The following IQCM variants were observed in gnomAD, a reference collection of about 807,000 sequenced individuals.
The protein encoded by IQCM is IQ domain-containing protein M.
IQCM carries 45 observed loss-of-function variants against 57.6 expected under a neutral mutation model. The observed-to-expected ratio is 0.78, with a 90% CI of 0.62 to 1.00. IQCM has a LOEUF of 1.00. Ranked by LOEUF, IQCM falls within the 50% of genes least tolerant of loss-of-function variation. The pLI is 0.00. For synonymous variants in IQCM, 148 were observed against 158.9 expected (o/e 0.93, Z 0.51); for missense variants, 468 against 511.6 (o/e 0.91, Z 0.82).
In IQCM at chr4:149,396,519, T is replaced by C. The variant is rs1189575785; in HGVS notation, c.1390+36877A>G. ...GCTTAATATTGTATCCCAGTGATTT[T>C]TGCATATCAGTATAGAGTAGGTCAT... On this transcript the variant is annotated intron_variant, in intron 13 of 13. Coordinates refer to ENST00000636793, the MANE Select transcript of IQCM (RefSeq NM_001363507.2). Among the ~76,000 whole-genome samples the C allele has an allele frequency of 2.6e-5, 4 of 152,016 alleles. No individual in the cohort carries two copies. The East Asian group carries it at 7.7e-4, about 29-fold the overall frequency.
chr4:149,375,401 A>C (rs1299460464), intron 13 of IQCM, among the ~76,000 whole-genome samples: 1 of 152,172 alleles, frequency 6.6e-6, no homozygotes, highest in Admixed American at 6.6e-5. Flanking sequence ...AGTCCCAGAC[A>C]CCATGATCAA....
chr4:149,782,135 A>G (rs1321451976), intron 2 of IQCM, among the ~76,000 whole-genome samples: 1 of 152,178 alleles, frequency 6.6e-6, no homozygotes, highest in African/African-American at 2.4e-5. Flanking sequence ...AATAAGTTAT[A>G]AATTCAGTGG....
At chr4:149,427,322 GA>G (rs1246173460) in intron 13 of IQCM, among the ~76,000 whole-genome samples, 2 of 151,970 alleles carry the variant, frequency 1.3e-5, no homozygotes, top group Non-Finnish European at 2.9e-5. Flanking sequence ...AAATCATAAT[GA>G]AATATTAATC....
At chr4:149,408,765 A>G (rs771906349) in intron 13 of IQCM, among the ~76,000 whole-genome samples, 5 of 152,160 alleles carry the variant, frequency 3.3e-5, no homozygotes, top group African/African-American at 4.8e-5. Context: ...AGATAATACC[A>G]TAGCAGAGAA....
chr4:149,457,709 A>G (rs1737846812), intron 12 of IQCM, among the ~76,000 whole-genome samples: 1 of 152,084 alleles, frequency 6.6e-6, no homozygotes. Context: ...AAAGGGTACC[A>G]TGATGCCAAC....
intron 8 of IQCM, among the ~76,000 whole-genome samples, chr4:149,612,012 A>G (rs1378544826): frequency 6.6e-6 from 1 of 152,078 alleles, no homozygotes; most frequent in Non-Finnish European, 1.5e-5. Flanking sequence ...ACAGTTCTAC[A>G]TGGCTGGTGA....
chr4:149,381,274 T>C (rs1272946811), intron 13 of IQCM, among the ~76,000 whole-genome samples: 2 of 152,146 alleles, frequency 1.3e-5, no homozygotes, highest in Non-Finnish European at 2.9e-5. Context: ...AATAACCCTT[T>C]GTAGTCCCTG....
chr4:149,653,824 T>C (rs1006087936), intron 7 of IQCM, among the ~76,000 whole-genome samples: 2 of 152,174 alleles, frequency 1.3e-5, no homozygotes, highest in Non-Finnish European at 2.9e-5. Flanking sequence ...TCCTTGGTTA[T>C]AATCTTGATG....
intron 5 of IQCM, among the ~76,000 whole-genome samples, chr4:149,726,408 T>G (rs942859830): frequency 2.0e-5 from 3 of 152,192 alleles, no homozygotes; most frequent in African/African-American, 7.2e-5. Flanking sequence ...CCTTGCTCCT[T>G]TCTAATGCAT....
chr4:149,361,321 G>C (rs558544844), intron 13 of IQCM, among the ~76,000 whole-genome samples: 1 of 152,308 alleles, frequency 6.6e-6, no homozygotes, highest in African/African-American at 2.4e-5. Flanking sequence ...ATTTTCTGGG[G>C]AGAAATTCAA....
intron 13 of IQCM, among the ~76,000 whole-genome samples, chr4:149,420,644 A>T (rs1734060163): frequency 6.6e-6 from 1 of 152,082 alleles, no homozygotes; most frequent in African/African-American, 2.4e-5. Flanking sequence ...AACAAAAATT[A>T]AAATTAATTA....
At chr4:149,812,354 T>C (rs1370487973) in intron 2 of IQCM, among the ~76,000 whole-genome samples, 1 of 152,086 alleles carries the variant, frequency 6.6e-6, no homozygotes, top group Non-Finnish European at 1.5e-5. Flanking sequence ...ACCAGAAATA[T>C]ATGATATAGC....
At chr4:149,739,202 C>T (rs72726200) in intron 3 of IQCM, among the ~76,000 whole-genome samples, 60,950 of 151,918 alleles carry the variant, frequency 0.4, 14,528 homozygotes, top group Middle Eastern at 0.54. Context: ...TTTAAGAGCT[C>T]TTATTCCTGA....
chr4:149,633,331 T>A (rs1362988366), intron 7 of IQCM, among the ~76,000 whole-genome samples: 2 of 152,126 alleles, frequency 1.3e-5, no homozygotes, highest in Non-Finnish European at 2.9e-5. Context: ...AGTCCTTTCA[T>A]CAGAAAGAAA....
chr4:149,452,598 AATAATTGACAT>A (rs1737238475), intron 12 of IQCM, among the ~76,000 whole-genome samples: 1 of 151,656 alleles, frequency 6.6e-6, no homozygotes, highest in African/African-American at 2.4e-5. Context: ...TTTTTTGAGG[AATAATTGACAT>A]ATAAAAAGCT....
In IQCM at chr4:149,752,183, G is replaced by GA. The variant is rs61362904; in HGVS notation, c.-48-9445dup. Among the ~76,000 whole-genome samples, 913 of 145,896 alleles carry GA rather than the reference G, an allele frequency of 6.3e-3. 7 individuals are homozygous for GA. The highest frequency in any genetic ancestry group is 0.019 in the African/African-American group (773 of 40,036). On this transcript the variant is annotated intron_variant, in intron 2 of 13. Transcript: ENST00000636793. ...CATGTCTAGCATTTACATCTTTCTA[G>GA]AAAAAAAAAAATCCCTGGGAGGAAT...
chr4:149,391,192 A>C (rs1731829371), intron 13 of IQCM, among the ~76,000 whole-genome samples: 1 of 151,898 alleles, frequency 6.6e-6, no homozygotes, highest in Non-Finnish European at 1.5e-5. Context: ...AGGGCTATTC[A>C]GATTTTACAT....
chr4:149,794,322 A>T (rs570872891), intron 2 of IQCM, among the ~76,000 whole-genome samples: 5 of 152,346 alleles, frequency 3.3e-5, no homozygotes, highest in Non-Finnish European at 7.4e-5. Flanking sequence ...ACCTCTAAAT[A>T]ATTTGAATAA....
intron 12 of IQCM, among the ~76,000 whole-genome samples, chr4:149,461,795 T>A (rs1738319605): frequency 6.6e-6 from 1 of 151,784 alleles, no homozygotes; most frequent in African/African-American, 2.4e-5. Context: ...AATGGCAACT[T>A]GAAGCCAATA....
Sources: allele counts gnomAD v4.1 joint callset (sites outside exome capture counted in the v4.1 genomes callset), GRCh38; gene constraint gnomAD v4.1.1; transcripts MANE v1.5; gene names NCBI Gene and HGNC (gene_info 2026-07-23, HGNC 2026-07-21).